The following TSHR variants were observed in gnomAD, a reference collection of about 807,000 sequenced individuals.
TSHR encodes the protein thyroid stimulating hormone receptor, also known as thyrotropin receptor.
A neutral mutation model predicts 64.1 loss-of-function variants in TSHR; 51 were observed. That is an observed-to-expected ratio of 0.80 (90% CI 0.64 to 1.01). The LOEUF (loss-of-function observed/expected upper bound fraction) is 1.01. Ranked by LOEUF, TSHR falls within the 50% of genes least tolerant of loss-of-function variation. The pLI, the probability that TSHR is intolerant of heterozygous loss-of-function variation, is 0.00. For synonymous variants in TSHR, 361 were observed against 361.9 expected (o/e 1.00, Z 0.03); for missense variants, 877 against 942.8 (o/e 0.93, Z 0.91).
intron 8 of TSHR, among the ~76,000 whole-genome samples, chr14:81,137,616 A>G (rs1284304401): frequency 6.6e-6 from 1 of 152,210 alleles, no homozygotes; most frequent in East Asian, 1.9e-4. Context: ...CGCCCCAGAC[A>G]TCACAGAACA....
intron 8 of TSHR, among the ~76,000 whole-genome samples, chr14:81,128,817 T>C (rs563220927): frequency 6.6e-6 from 1 of 152,326 alleles, no homozygotes; most frequent in South Asian, 2.1e-4. Flanking sequence ...AGATCTTCCC[T>C]GAATGCCCTA....
intron 1 of TSHR, among the ~76,000 whole-genome samples, chr14:81,029,537 A>G (rs945838339): frequency 6.6e-6 from 1 of 152,098 alleles, no homozygotes; most frequent in African/African-American, 2.4e-5. Flanking sequence ...ATAAGTAAAA[A>G]TATATGTGAC....
intron 7 of TSHR, among the ~76,000 whole-genome samples, chr14:81,101,369 G>C (rs1478894149): frequency 6.6e-6 from 1 of 152,058 alleles, no homozygotes; most frequent in Non-Finnish European, 1.5e-5. Context: ...ATAGGGTCTT[G>C]AAAACTACAA....
At position 81,103,275 on chromosome 14, in the gene TSHR, A is replaced by C; in HGVS notation, c.615-5100A>C. The C allele has an allele frequency of 1.0e-6, 1 of 985,454 alleles. No individual in the cohort carries two copies. The allele number at this position is 985,454 out of a possible 1,614,324, so 61.0% of individuals were successfully genotyped here. A position where few individuals can be genotyped will look rare whatever the true frequency, so the allele number is the denominator to read the frequency against. ...GATTTTAAACTAAGGCAAACACATC[A>C]ATCTCCTGTAATTATCTTAATAGTG... On this transcript the variant is annotated intron_variant, in intron 7 of 9. Transcript: ENST00000298171. This position sits in a 1 kb window ranked among gnomAD's most constrained non-coding sequence, Gnocchi z 4.1.
At chr14:80,982,307 T>C in intron 1 of TSHR, 2 of 1,031,076 alleles carry the variant, frequency 1.9e-6, no homozygotes, top group East Asian at 2.8e-5. Context: ...GGGGCTGGTA[T>C]TGATGCCTGG....
At chr14:81,022,881 G>A (rs902312177) in intron 1 of TSHR, among the ~76,000 whole-genome samples, 2 of 152,006 alleles carry the variant, frequency 1.3e-5, no homozygotes, top group Non-Finnish European at 2.9e-5. Context: ...AAGGTGGAGC[G>A]CTCATTAATG....
Position 80,957,466 on chromosome 14 carries a change from C to A in TSHR, c.170+1616C>A, listed in dbSNP as rs78666082. 5.6e-3 allele frequency among the ~76,000 whole-genome samples: 814 copies of A among 144,314 alleles called. 5 individuals carry two copies. The highest frequency in any genetic ancestry group is 0.018 in the African/African-American group (718 of 39,382). The allele number at this position is 144,314 out of a possible 152,430, so 94.7% of individuals were successfully genotyped here. On this transcript the variant is annotated intron_variant, in intron 1 of 9. Coordinates refer to ENST00000298171, the MANE Select transcript of TSHR (RefSeq NM_000369.5). ...GAACTACTTAGACACTCAGAAAAAA[C>A]AAAAAAAAAAAAACTTAAGTGAATA...
At chr14:81,141,052 G>A (rs1251676844) in intron 9 of TSHR, among the ~76,000 whole-genome samples, 1 of 152,248 alleles carries the variant, frequency 6.6e-6, no homozygotes, top group African/African-American at 2.4e-5. Context: ...CTTGAACCCG[G>A]TAGGCGGAGG....
rs142418631 is a variant in TSHR, at chr14:80,986,759, T to C, written c.170+30909T>C. Among the ~76,000 whole-genome samples, 11 of 152,368 alleles carry C rather than the reference T, an allele frequency of 7.2e-5. No individual in the cohort carries two copies. In the East Asian group the frequency reaches 2.1e-3, roughly 29 times the overall value. ...GCCTTGGCGTCCCAAAGTGCTGGGA[T>C]TACAGGCGTGAGCCACTGCTCCCGG... is the stretch of plus-strand genomic sequence containing the variant. On this transcript the variant is annotated intron_variant, in intron 1 of 9. Coordinates refer to ENST00000298171, the MANE Select transcript of TSHR (RefSeq NM_000369.5).
chr14:81,063,252 C>T (rs897669529), intron 2 of TSHR, among the ~76,000 whole-genome samples: 1 of 152,094 alleles, frequency 6.6e-6, no homozygotes, highest in African/African-American at 2.4e-5. Flanking sequence ...CACCTGGCTA[C>T]TCTTCCTTAG....
chr14:80,994,300 A>G (rs974684795), intron 1 of TSHR: 1 of 152,184 alleles, frequency 6.6e-6, no homozygotes, highest in African/African-American at 2.4e-5. Context: ...ATCATTTTAA[A>G]AAGCCACTTA....
intron 1 of TSHR, among the ~76,000 whole-genome samples, chr14:81,037,057 T>C (rs538936364): frequency 6.6e-6 from 1 of 151,962 alleles, no homozygotes; most frequent in Admixed American, 6.6e-5. Flanking sequence ...GCAGGAGAAT[T>C]GCTTGAACCC....
At chr14:80,988,804 T>G (rs1482204921) in intron 1 of TSHR, among the ~76,000 whole-genome samples, 1 of 152,348 alleles carries the variant, frequency 6.6e-6, no homozygotes, top group South Asian at 2.1e-4. Context: ...GATAGTTTGA[T>G]TCTGTCTTCT....
chr14:81,012,533 T>C (rs1305984314), intron 1 of TSHR: 1 of 150,822 alleles, frequency 6.6e-6, no homozygotes, highest in Non-Finnish European at 1.5e-5. Flanking sequence ...TCCACAATGG[T>C]TGAACTAGTT....
chr14:80,958,597 G>A (rs577816498), intron 1 of TSHR, among the ~76,000 whole-genome samples: 6 of 152,022 alleles, frequency 3.9e-5, no homozygotes, highest in Non-Finnish European at 7.4e-5. Context: ...AAGAGAGAGT[G>A]GAAGAGAGGC....
chr14:81,086,196 A>G (rs1888272844), intron 3 of TSHR, among the ~76,000 whole-genome samples: 1 of 152,232 alleles, frequency 6.6e-6, no homozygotes, highest in Non-Finnish European at 1.5e-5. Flanking sequence ...CTCTGTAATG[A>G]ACAATAAAGC....
chr14:81,057,286 C>T (rs1885884790), intron 1 of TSHR, among the ~76,000 whole-genome samples: 1 of 152,092 alleles, frequency 6.6e-6, no homozygotes, highest in Non-Finnish European at 1.5e-5. Context: ...TGGTGGGTGC[C>T]TGTAATACCA....
At chr14:81,054,071 T>C (rs1285777683) in intron 1 of TSHR, among the ~76,000 whole-genome samples, 1 of 152,230 alleles carries the variant, frequency 6.6e-6, no homozygotes. Flanking sequence ...AAATCTCATC[T>C]TGAATTCCCA....
At chr14:80,992,096 A>T (rs767572452) in intron 1 of TSHR, 3 of 152,326 alleles carry the variant, frequency 2.0e-5, no homozygotes, top group Non-Finnish European at 4.4e-5. Flanking sequence ...AGCTAATCAT[A>T]AATTCTAAAT....
Sources: gnomAD v4.1 joint callset for allele counts (sites outside exome capture counted in the v4.1 genomes callset) on GRCh38, gnomAD v4.1.1 for gene constraint, Gnocchi (gnomAD v3.1) non-coding constraint, MANE v1.5 for transcripts, NCBI Gene and HGNC (gene_info 2026-07-23, HGNC 2026-07-21) for gene names.